NRF1: variants seen among roughly 807,000 people sequenced by gnomAD.
NRF1 encodes nuclear respiratory factor 1.
In NRF1, 5 loss-of-function variants were observed where a neutral mutation model predicts 58.5. The observed-to-expected ratio is 0.09, with a 90% CI of 0.04 to 0.18. NRF1 has a LOEUF of 0.18. NRF1 is among the 10% of genes least tolerant of loss of function. The probability of loss-of-function intolerance (pLI) is 1.00; values close to 1 mark genes in which losing one functional copy is unlikely to be tolerated. For missense variants in NRF1, 288 were observed against 657.7 expected (o/e 0.44, Z 6.15); for synonymous variants, 224 against 246.7 (o/e 0.91, Z 0.86).
At chr7:129,710,660 G>A (rs562100193) in intron 7 of NRF1, 89 bp downstream of exon 7, 54 of 753,068 alleles carry the variant, frequency 7.2e-5, no homozygotes, top group African/African-American at 5.6e-4. Flanking sequence ...TCCTTTGTGC[G>A]AACTCTTGTA....
intron 10 of NRF1, among the ~76,000 whole-genome samples, chr7:129,742,547 G>A (rs988717980): frequency 6.6e-6 from 1 of 152,210 alleles, no homozygotes; most frequent in African/African-American, 2.4e-5. Flanking sequence ...GAGGCCTGGT[G>A]GGGGAGGGGC....
intron 8 of NRF1, among the ~76,000 whole-genome samples, chr7:129,715,235 C>A (rs1803160347): frequency 6.6e-6 from 1 of 152,168 alleles, no homozygotes; most frequent in Non-Finnish European, 1.5e-5. Context: ...ACCGTCCTGA[C>A]TGGGGAGGGT....
At chr7:129,659,531 A>T (rs996628737) in intron 2 of NRF1, among the ~76,000 whole-genome samples, 2 of 152,122 alleles carry the variant, frequency 1.3e-5, no homozygotes, top group African/African-American at 4.8e-5. Flanking sequence ...CTTGTCTGTG[A>T]ATGTTTTTAC....
chr7:129,696,429 ATT>A (rs1802699798), intron 5 of NRF1, among the ~76,000 whole-genome samples: 1 of 152,040 alleles, frequency 6.6e-6, no homozygotes, highest in South Asian at 2.1e-4. Flanking sequence ...GGGGCATCTC[ATT>A]TAATCCACCT....
intron 1 of NRF1, among the ~76,000 whole-genome samples, chr7:129,656,731 C>T (rs1459347999): frequency 1.3e-5 from 2 of 152,084 alleles, no homozygotes; most frequent in African/African-American, 2.4e-5. Context: ...CCCACCACCA[C>T]GCCTGGCTAA....
intron 3 of NRF1, among the ~76,000 whole-genome samples, chr7:129,677,073 C>G (rs1165503187): frequency 7.2e-6 from 1 of 139,268 alleles, no homozygotes; most frequent in Non-Finnish European, 1.5e-5. Flanking sequence ...TGCAGTGGCA[C>G]CATCTTGGTT....
intron 10 of NRF1, among the ~76,000 whole-genome samples, chr7:129,740,700 C>G (rs1584688252): frequency 6.6e-6 from 1 of 152,230 alleles, no homozygotes; most frequent in African/African-American, 2.4e-5. Context: ...GAGAGTATCT[C>G]CTGTCCCTCT....
At chr7:129,718,184 T>G (rs927017549) in intron 9 of NRF1, among the ~76,000 whole-genome samples, 10 of 152,216 alleles carry the variant, frequency 6.6e-5, no homozygotes, top group African/African-American at 2.4e-4. Flanking sequence ...CTCCCTCTTC[T>G]TCATTCCTGA....
chr7:129,680,584 T>C (rs1584634807), intron 4 of NRF1, among the ~76,000 whole-genome samples: 1 of 152,240 alleles, frequency 6.6e-6, no homozygotes, highest in East Asian at 1.9e-4. Context: ...AAATGTGGCA[T>C]ATCCATAGGA....
intron 9 of NRF1, among the ~76,000 whole-genome samples, chr7:129,722,943 T>C (rs1803363172): frequency 6.6e-6 from 1 of 152,192 alleles, no homozygotes; most frequent in East Asian, 1.9e-4. Flanking sequence ...AAGATCCTAA[T>C]TCCATATAAA....
At position 129,621,537 on chromosome 7, in the gene NRF1, A is replaced by G. The variant is rs553848549; in HGVS notation, c.-7+9713A>G. Among the ~76,000 whole-genome samples, 24 of 152,236 alleles carry G rather than the reference A, an allele frequency of 1.6e-4. No individual in the cohort carries two copies. In the East Asian group the frequency reaches 4.2e-3, roughly 27 times the overall value. ...CAATTATGAAATAAAATTTTTGGTA[A>G]CAGATCTTCCATGTAAAAATAGCCC... is the stretch of plus-strand genomic sequence containing the variant. On this transcript the variant is annotated intron_variant, in intron 1 of 10. Coordinates refer to ENST00000393232, the MANE Select transcript of NRF1 (RefSeq NM_005011.5).
intron 5 of NRF1, among the ~76,000 whole-genome samples, chr7:129,705,271 G>A (rs1237616471): frequency 1.3e-5 from 2 of 151,978 alleles, no homozygotes; most frequent in Non-Finnish European, 2.9e-5. Flanking sequence ...TCTGAGTCTT[G>A]TGGGTTTTTT....
At chr7:129,643,641 A>G in intron 1 of NRF1, among the ~76,000 whole-genome samples, 1 of 152,230 alleles carries the variant, frequency 6.6e-6, no homozygotes, top group East Asian at 1.9e-4. Flanking sequence ...TTTTATTGAT[A>G]TGTGTAGCTT....
intron 1 of NRF1, among the ~76,000 whole-genome samples, chr7:129,613,205 A>G (rs571907667): frequency 6.6e-6 from 1 of 152,238 alleles, no homozygotes; most frequent in Admixed American, 6.5e-5. Flanking sequence ...ATTCCATCTC[A>G]GCCTAGCCTT....
At chr7:129,702,060 C>T (rs905745630) in intron 5 of NRF1, among the ~76,000 whole-genome samples, 1 of 152,100 alleles carries the variant, frequency 6.6e-6, no homozygotes, top group Non-Finnish European at 1.5e-5. Context: ...AGAATTTGGC[C>T]TAGAAGGAAG....
intron 1 of NRF1, among the ~76,000 whole-genome samples, chr7:129,618,394 G>A (rs1262580829): frequency 6.6e-6 from 1 of 152,186 alleles, no homozygotes; most frequent in Non-Finnish European, 1.5e-5. Flanking sequence ...TCAGTATAAT[G>A]CCATATAGAA....
At chr7:129,647,884 C>G (rs1049174664) in intron 1 of NRF1, among the ~76,000 whole-genome samples, 1 of 152,216 alleles carries the variant, frequency 6.6e-6, no homozygotes, top group African/African-American at 2.4e-5. Flanking sequence ...CACTTCTAAA[C>G]TTGAACTGTG....
intron 8 of NRF1, among the ~76,000 whole-genome samples, chr7:129,715,681 A>T (rs146588428): frequency 6.3e-4 from 96 of 152,350 alleles, no homozygotes; most frequent in Non-Finnish European, 1.2e-3. Flanking sequence ...AAAAGACTGT[A>T]AACCACTTAA....
intron 3 of NRF1, among the ~76,000 whole-genome samples, chr7:129,673,279 T>C (rs889572959): frequency 2.0e-5 from 3 of 152,098 alleles, no homozygotes; most frequent in African/African-American, 7.2e-5. Flanking sequence ...ATATAAACCA[T>C]TGTTTCAAGG....
Sources: gnomAD v4.1 joint callset for allele counts (sites outside exome capture counted in the v4.1 genomes callset) on GRCh38, gnomAD v4.1.1 for gene constraint, MANE v1.5 for transcripts, NCBI Gene and HGNC (gene_info 2026-07-23, HGNC 2026-07-21) for gene names.